The following WNK1 variants were observed in gnomAD, a reference collection of about 807,000 sequenced individuals.
The protein encoded by WNK1 is WNK lysine deficient protein kinase 1.
In WNK1, 38 loss-of-function variants were observed where a neutral mutation model predicts 222.8. That is an observed-to-expected ratio of 0.17 (90% CI 0.13 to 0.22). The LOEUF is 0.22. Ranked by LOEUF, WNK1 falls within the 10% of genes least tolerant of loss-of-function variation. WNK1 has a pLI of 1.00. For synonymous variants in WNK1, 1,090 were observed against 1,092.9 expected (o/e 1.00, Z 0.05); for missense variants, 2,348 against 2,918.4 (o/e 0.80, Z 4.50).
chr12:753,560 C>A lies in WNK1; in HGVS notation c.-6C>A. ...AGCCCGCTCGCCTCTCTCCAGCGAA[C>A]CGACCATGTCTGGCGGCGCCGCAGA... On this transcript the variant is annotated 5_prime_UTR_variant, in exon 1 of 28. Transcript: ENST00000315939. This position sits in a 1 kb window ranked among gnomAD's most constrained non-coding sequence, Gnocchi z 5.2. The A allele has an allele frequency of 6.2e-7, 1 of 1,612,364 alleles. No homozygotes were observed. The highest frequency in any genetic ancestry group is 1.1e-5 in the South Asian group (1 of 91,080).
chr12:853,520 G>T (rs543548921), intron 4 of WNK1, among the ~76,000 whole-genome samples: 13 of 152,290 alleles, frequency 8.5e-5, no homozygotes, highest in African/African-American at 2.9e-4. Context: ...TTTGAATTCA[G>T]TTGGACAGGT....
At chr12:843,317 A>G (rs1329480791) in intron 4 of WNK1, among the ~76,000 whole-genome samples, 9 of 152,168 alleles carry the variant, frequency 5.9e-5, no homozygotes, top group Non-Finnish European at 1.0e-4. Flanking sequence ...AAGAGCTTTT[A>G]TTTACTTGTG....
intron 4 of WNK1, among the ~76,000 whole-genome samples, chr12:833,709 T>A: frequency 1.3e-5 from 2 of 152,368 alleles, no homozygotes; most frequent in Admixed American, 1.3e-4. Context: ...TCAATTAATG[T>A]ACTTGCTTAT....
chr12:757,271 A>T (rs1940198174), intron 1 of WNK1, among the ~76,000 whole-genome samples: 1 of 145,980 alleles, frequency 6.9e-6, no homozygotes, highest in East Asian at 2.0e-4. Context: ...TTTTAGAGTC[A>T]TGCTATGCAT....
At chr12:899,101 G>T (rs1474996586) in intron 25 of WNK1, among the ~76,000 whole-genome samples, 1 of 152,158 alleles carries the variant, frequency 6.6e-6, no homozygotes, top group Admixed American at 6.5e-5. Flanking sequence ...AATTATGGTA[G>T]TGTTAACACA....
rs763836773 is a variant in WNK1 at position 907,873 on chromosome 12, G to A, written c.6670G>A (p.Ala2224Thr). 6.2e-7 allele frequency: 1 copy of A among 1,613,866 alleles called. No individual in the cohort carries two copies. Among genetic ancestry groups the A allele is most frequent in the Non-Finnish European group, 8.5e-7 (1 of 1,180,012 alleles). ...QGTSSTNTVGATVNSQAAQAQ... is the reference protein window; with the variant it reads ...QGTSSTNTVGTTVNSQAAQAQ... ...AACCAGCAGCACAAACACTGTTGGG[G>A]CAACAGTGAACAGCCAAGCCGCCCA... Residue 2224 changes from alanine to threonine, a missense_variant, in exon 27 of 28, where the codon GCA becomes ACA. Ala to Thr is a moderately conservative substitution (Grantham distance 58). Transcript: ENST00000315939.
At chr12:900,746 G>A in intron 26 of WNK1, 76 bp downstream of exon 26, 1 of 1,583,610 alleles carries the variant, frequency 6.3e-7, no homozygotes, top group Non-Finnish European at 8.7e-7. Flanking sequence ...GCCTGTTAAG[G>A]CGGGTTGGGA....
chr12:822,087 CTTTTTTTT>C (rs376271992), intron 2 of WNK1, among the ~76,000 whole-genome samples: 2 of 71,462 alleles, frequency 2.8e-5, no homozygotes, highest in East Asian at 5.1e-4. Context: ...TGTCTTATAC[CTTTTTTTT>C]TTTTTTTTTT....
intron 8 of WNK1, among the ~76,000 whole-genome samples, chr12:867,568 G>A (rs181457363): frequency 6.6e-6 from 1 of 152,214 alleles, no homozygotes; most frequent in Admixed American, 6.5e-5. Flanking sequence ...TTAAGTGTGG[G>A]TAAAAACGAA....
chr12:899,537 C>T (rs919852478), intron 25 of WNK1, among the ~76,000 whole-genome samples: 10 of 152,270 alleles, frequency 6.6e-5, no homozygotes, highest in Admixed American at 2.0e-4. Flanking sequence ...CCCGCCTCAG[C>T]CTCCCAAAGT....
chr12:834,687 A>G (rs948699793), intron 4 of WNK1, among the ~76,000 whole-genome samples: 2 of 152,202 alleles, frequency 1.3e-5, no homozygotes, highest in African/African-American at 4.8e-5. Context: ...AAGAGATACT[A>G]TTACCCTCTT....
intron 1 of WNK1, among the ~76,000 whole-genome samples, chr12:778,751 G>C (rs1943386081): frequency 6.6e-6 from 1 of 151,640 alleles, no homozygotes; most frequent in African/African-American, 2.4e-5. Flanking sequence ...AAAATGATAA[G>C]GACAGTACAT....
intron 26 of WNK1, among the ~76,000 whole-genome samples, chr12:902,190 C>T (rs1166173113): frequency 2.0e-5 from 3 of 151,716 alleles, no homozygotes. Flanking sequence ...TCCCAGCTGC[C>T]CAGGAGGCTG....
intron 26 of WNK1, chr12:906,854 T>C (rs1955741427): frequency 6.4e-6 from 4 of 620,394 alleles, no homozygotes; most frequent in Non-Finnish European, 8.0e-6. Flanking sequence ...AAGCAACATA[T>C]GGAGATTCTG....
At chr12:908,245 T>G (rs1043545059) in intron 27 of WNK1, 19 of 788,160 alleles carry the variant, frequency 2.4e-5, no homozygotes, top group Non-Finnish European at 3.9e-5. Context: ...TTCTTCTTCG[T>G]TTTTCCTTCG....
At chr12:825,446 A>G (rs191831135) in intron 2 of WNK1, among the ~76,000 whole-genome samples, 16 of 152,322 alleles carry the variant, frequency 1.1e-4, no homozygotes, top group Non-Finnish European at 1.8e-4. Flanking sequence ...CATGTAAAAT[A>G]CAAGACCTTT....
intron 4 of WNK1, among the ~76,000 whole-genome samples, chr12:845,967 G>A (rs543378731): frequency 2.6e-5 from 4 of 152,236 alleles, no homozygotes; most frequent in Non-Finnish European, 4.4e-5. Context: ...TCATTTCACA[G>A]GTAAGAAAAT....
rs184663700 is a variant in WNK1, at chr12:835,248, G to T, written c.1311+5088G>T. ...CAGCCACTGGGAGGCTGAGGTAGAA[G>T]GATCGCCTGAGCCGGGGAGGTGGAG... On this transcript the variant is annotated intron_variant, in intron 4 of 27. Transcript: ENST00000315939. Among the ~76,000 whole-genome samples, 1,279 of 152,278 alleles carry T rather than the reference G, an allele frequency of 8.4e-3. 27 individuals are homozygous for T. Among genetic ancestry groups the T allele is most frequent in the African/African-American group, 0.029 (1,216 of 41,534 alleles).
At position 876,633 on chromosome 12, in the gene WNK1, G is replaced by A. The variant is rs77782423; in HGVS notation, c.2224-1579G>A. ...TAAATAGCTTATCTTTATACCAGCAGTAACCAATTAGTCGTATGGGTATAC... is the reference window on the plus strand; with the variant it reads ...TAAATAGCTTATCTTTATACCAGCAATAACCAATTAGTCGTATGGGTATAC... On this transcript the variant is annotated intron_variant, in intron 9 of 27. Transcript: ENST00000315939. Among the ~76,000 whole-genome samples the A allele has an allele frequency of 7.6e-4, 116 of 152,266 alleles. No homozygotes were observed. The East Asian group carries it at 0.019, about 25-fold the overall frequency.
Sources: gnomAD v4.1 joint callset for allele counts (sites outside exome capture counted in the v4.1 genomes callset) on GRCh38, gnomAD v4.1.1 for gene constraint, Gnocchi (gnomAD v3.1) non-coding constraint, MANE v1.5 for transcripts, NCBI Gene and HGNC (gene_info 2026-07-23, HGNC 2026-07-21) for gene names.